SHOC2: variants seen among roughly 807,000 people sequenced by gnomAD.
SHOC2 encodes the protein SHOC2 leucine rich repeat scaffold protein, also known as leucine-rich repeat protein SHOC-2.
A neutral mutation model predicts 50.2 loss-of-function variants in SHOC2; 4 were observed. The observed-to-expected ratio is 0.08, with a 90% CI of 0.04 to 0.18. The LOEUF is 0.18. Ranked by LOEUF, SHOC2 falls within the 10% of genes least tolerant of loss-of-function variation. The probability of loss-of-function intolerance (pLI) is 1.00; values close to 1 mark genes in which losing one functional copy is unlikely to be tolerated. For missense variants in SHOC2, 388 were observed against 669.6 expected (o/e 0.58, Z 4.64); for synonymous variants, 218 against 244.5 (o/e 0.89, Z 1.01).
intron 1 of SHOC2, among the ~76,000 whole-genome samples, chr10:110,933,119 C>T (rs1404103339): frequency 6.6e-6 from 1 of 152,046 alleles, no homozygotes; most frequent in Non-Finnish European, 1.5e-5. Context: ...TTTATGCATT[C>T]AGATTTTCTT....
chr10:110,984,916 A>G (rs1165476150), intron 2 of SHOC2, among the ~76,000 whole-genome samples: 2 of 152,190 alleles, frequency 1.3e-5, no homozygotes, highest in Admixed American at 6.5e-5. Context: ...CAACTTGAAC[A>G]CCTTCCAAAG....
chr10:110,956,321 C>G (rs965028740), intron 1 of SHOC2, among the ~76,000 whole-genome samples: 2 of 152,088 alleles, frequency 1.3e-5, no homozygotes, highest in Non-Finnish European at 2.9e-5. Context: ...TCAAGTGATT[C>G]TCCTGCTCAG....
chr10:110,920,712 G>C (rs1846622395), intron 1 of SHOC2, among the ~76,000 whole-genome samples: 1 of 152,168 alleles, frequency 6.6e-6, no homozygotes, highest in South Asian at 2.1e-4. Context: ...TATCGTAATG[G>C]GGGTGATGAG....
rs1847457754 is a variant in SHOC2, at chr10:110,956,180, T to C, written c.-234-7945T>C. Among the ~76,000 whole-genome samples the C allele has an allele frequency of 2.6e-5, 4 of 151,674 alleles. No individual in the cohort carries two copies. The East Asian group carries it at 7.9e-4, about 30-fold the overall frequency. On this transcript the variant is annotated intron_variant, in intron 1 of 8. Transcript: ENST00000369452. Reference sequence around the variant, plus strand: ...ACTCCTGTGGATCCAACAGGTTTTTTACATTTCATGTCTTTTTTTTTTTGA... The same window carrying C: ...ACTCCTGTGGATCCAACAGGTTTTTCACATTTCATGTCTTTTTTTTTTTGA...
At chr10:110,940,517 CA>C (rs1847115730) in intron 1 of SHOC2, among the ~76,000 whole-genome samples, 1 of 152,112 alleles carries the variant, frequency 6.6e-6, no homozygotes, top group Non-Finnish European at 1.5e-5. Context: ...TGTGATTTTG[CA>C]TGTATCATGT....
chr10:111,011,255 A>G (rs987254999), intron 8 of SHOC2, among the ~76,000 whole-genome samples: 12 of 152,210 alleles, frequency 7.9e-5, no homozygotes, highest in African/African-American at 2.7e-4. Flanking sequence ...GTTTTAAAAT[A>G]TATATAAGTA....
chr10:110,958,059 T>C (rs972936172), intron 1 of SHOC2, among the ~76,000 whole-genome samples: 2 of 152,244 alleles, frequency 1.3e-5, no homozygotes, highest in African/African-American at 4.8e-5. Flanking sequence ...CCGTCTTCTC[T>C]AAGGCTAAGT....
intron 1 of SHOC2, among the ~76,000 whole-genome samples, chr10:110,953,761 A>T (rs1413240694): frequency 6.6e-6 from 1 of 151,654 alleles, no homozygotes; most frequent in Non-Finnish European, 1.5e-5. Flanking sequence ...GATAGGTTTG[A>T]TGTGTATATA....
At chr10:110,952,368 T>C (rs56302131) in intron 1 of SHOC2, among the ~76,000 whole-genome samples, 10,959 of 152,196 alleles carry the variant, frequency 0.072, 786 homozygotes, top group East Asian at 0.3. Context: ...TAACATATTA[T>C]CACAGAAAGT....
chr10:110,984,006 G>C (rs886139146), intron 2 of SHOC2, among the ~76,000 whole-genome samples: 5 of 152,034 alleles, frequency 3.3e-5, no homozygotes, highest in African/African-American at 1.2e-4. Flanking sequence ...CCTGCTTTCA[G>C]TTCTTTTCGA....
intron 8 of SHOC2, among the ~76,000 whole-genome samples, chr10:111,010,449 C>T (rs1331918928): frequency 5.9e-5 from 9 of 152,060 alleles, no homozygotes; most frequent in East Asian, 3.9e-4. Flanking sequence ...TAGTAAACAC[C>T]GCATGTTCTC....
intron 1 of SHOC2, among the ~76,000 whole-genome samples, chr10:110,933,015 A>G (rs950916567): frequency 1.3e-5 from 2 of 152,216 alleles, no homozygotes; most frequent in Non-Finnish European, 2.9e-5. Context: ...TTGTAAAAAC[A>G]GTTTATATTG....
chr10:110,943,845 C>T (rs1232517767), intron 1 of SHOC2, among the ~76,000 whole-genome samples: 1 of 152,232 alleles, frequency 6.6e-6, no homozygotes, highest in East Asian at 1.9e-4. Context: ...CGGAAAGTCA[C>T]ATTGGCCTTC....
At chr10:110,997,971 G>A (rs1159028515) in intron 3 of SHOC2, among the ~76,000 whole-genome samples, 1 of 149,320 alleles carries the variant, frequency 6.7e-6, no homozygotes, top group Non-Finnish European at 1.5e-5. Flanking sequence ...TGCCAACCCA[G>A]CTTTTAAGTA....
chr10:110,961,786 T>C (rs1471612660), intron 1 of SHOC2, among the ~76,000 whole-genome samples: 1 of 152,176 alleles, frequency 6.6e-6, no homozygotes, highest in African/African-American at 2.4e-5. Context: ...ACTTTATTAA[T>C]AACTTATATT....
At chr10:110,958,545 G>C (rs1847512145) in intron 1 of SHOC2, among the ~76,000 whole-genome samples, 1 of 151,994 alleles carries the variant, frequency 6.6e-6, no homozygotes, top group South Asian at 2.1e-4. Context: ...ATCTTCCCCA[G>C]AGTACCAGTA....
chr10:110,921,074 A>G (rs1343783391), intron 1 of SHOC2, among the ~76,000 whole-genome samples: 1 of 152,232 alleles, frequency 6.6e-6, no homozygotes, highest in Non-Finnish European at 1.5e-5. Context: ...GTACTTACTA[A>G]TCTTTACCCT....
chr10:110,964,102 A>C lies in SHOC2; in HGVS notation c.-234-23A>C. On this transcript the variant is annotated intron_variant, in intron 1 of 8. Coordinates refer to ENST00000369452, the MANE Select transcript of SHOC2 (RefSeq NM_007373.4). The surrounding 1 kb of genome is among the most constrained non-coding windows in gnomAD (Gnocchi z 4.9). ...AATATAAATTATCTAAAGTAATTTAATACTGTCTATATTATATTTCAGGAA... is the reference window on the plus strand; with the variant it reads ...AATATAAATTATCTAAAGTAATTTACTACTGTCTATATTATATTTCAGGAA... 2.0e-6 allele frequency: 1 copy of C among 494,468 alleles called. No homozygotes were observed. Among genetic ancestry groups the C allele is most frequent in the African/African-American group, 2.0e-5 (1 of 50,456 alleles). The allele number at this position is 494,468 out of a possible 1,614,324, so 30.6% of individuals were successfully genotyped here. A position where few individuals can be genotyped will look rare whatever the true frequency, so the allele number is the denominator to read the frequency against.
intron 3 of SHOC2, among the ~76,000 whole-genome samples, chr10:110,992,733 T>C (rs1293360424): frequency 6.6e-6 from 1 of 152,222 alleles, no homozygotes; most frequent in Non-Finnish European, 1.5e-5. Context: ...GTGCAGCGTA[T>C]GTATAACAAC....
Sources: gnomAD v4.1 joint callset for allele counts (sites outside exome capture counted in the v4.1 genomes callset) on GRCh38, gnomAD v4.1.1 for gene constraint, Gnocchi (gnomAD v3.1) non-coding constraint, MANE v1.5 for transcripts, NCBI Gene and HGNC (gene_info 2026-07-23, HGNC 2026-07-21) for gene names.